Variants in FAM149B1 observed in about 807,000 individuals in gnomAD.
FAM149B1 encodes primary cilium assembly protein FAM149B1.
Under a neutral mutation model 75.3 loss-of-function variants are expected in FAM149B1, and 56 were observed. The observed-to-expected ratio is 0.74, with a 90% CI of 0.60 to 0.93. The LOEUF is 0.93. Ranked by LOEUF, FAM149B1 falls within the 40% of genes least tolerant of loss-of-function variation. FAM149B1 has a pLI of 0.00. For synonymous variants in FAM149B1, 259 were observed against 256.1 expected (o/e 1.01, Z -0.11); for missense variants, 639 against 708.4 (o/e 0.90, Z 1.11).
chr10:73,200,978 C>G (rs1382019988), intron 5 of FAM149B1: 7 of 377,454 alleles, frequency 1.9e-5, no homozygotes, highest in Non-Finnish European at 3.7e-5. Flanking sequence ...GGGTCAAGCC[C>G]TGTTCTGATC....
chr10:73,168,311 G>T lies in FAM149B1; in HGVS notation c.-29G>T. On this transcript the variant is annotated 5_prime_UTR_variant, in exon 1 of 14. It adds an upstream start codon to the 5' untranslated region. Coordinates refer to ENST00000242505, the MANE Select transcript of FAM149B1 (RefSeq NM_173348.2). ...GCGTGCCTGCCCCGGCCGCGGCTGA[G>T]GAGGAGGAGGAGGAGGAGGAGGAGG... The T allele has an allele frequency of 3.2e-6, 2 of 620,330 alleles. No homozygotes were observed. The highest frequency in any genetic ancestry group is 4.4e-6 in the Non-Finnish European group (2 of 457,718). 38.4% of individuals were successfully genotyped at this position (620,330 alleles called of 1,614,324 possible). A position where few individuals can be genotyped will look rare whatever the true frequency, so the allele number is the denominator to read the frequency against.
intron 7 of FAM149B1, among the ~76,000 whole-genome samples, chr10:73,219,815 A>G (rs2043369416): frequency 6.6e-6 from 1 of 152,144 alleles, no homozygotes; most frequent in Admixed American, 6.5e-5. Flanking sequence ...AGAAGAAAAC[A>G]AAGGAGTAAC....
intron 12 of FAM149B1, among the ~76,000 whole-genome samples, chr10:73,236,412 CCTT>C (rs1564717852): frequency 6.9e-6 from 1 of 145,866 alleles, no homozygotes; most frequent in Admixed American, 6.8e-5. Flanking sequence ...CCAATTTCTG[CCTT>C]TTTTTTTTTT....
At chr10:73,170,789 T>TA (rs200201015) in intron 1 of FAM149B1, among the ~76,000 whole-genome samples, 6 of 149,960 alleles carry the variant, frequency 4.0e-5, no homozygotes, top group African/African-American at 7.3e-5. Flanking sequence ...TGTTCCTACT[T>TA]AAAAAAAAAA....
intron 3 of FAM149B1, among the ~76,000 whole-genome samples, chr10:73,178,258 G>A (rs1285225372): frequency 6.6e-6 from 1 of 152,184 alleles, no homozygotes; most frequent in East Asian, 1.9e-4. Context: ...TTGGGAGGCC[G>A]AGGCGGGCGG....
At chr10:73,217,675 C>G (rs1237844682) in intron 7 of FAM149B1, among the ~76,000 whole-genome samples, 1 of 152,182 alleles carries the variant, frequency 6.6e-6, no homozygotes, top group East Asian at 1.9e-4. Context: ...AGACAAAAGC[C>G]TATATAATAT....
chr10:73,215,044 A>T (rs1170408287), intron 7 of FAM149B1, among the ~76,000 whole-genome samples: 2 of 151,418 alleles, frequency 1.3e-5, no homozygotes, highest in African/African-American at 2.4e-5. Flanking sequence ...ACAGAGTCTC[A>T]CTCTGTCACC....
In FAM149B1 at chr10:73,193,611, T is replaced by C. The variant is rs1242856337; in HGVS notation, c.542+18T>C. 4 of 1,548,412 alleles carry C rather than the reference T, an allele frequency of 2.6e-6. No homozygotes were observed. The highest frequency in any genetic ancestry group is 2.0e-5 in the Admixed American group (1 of 50,702). ...TCTACTATGTGAGTATTCCATTATG[T>C]AAGTACTTCAATGTGCCCTAATATG... On this transcript the variant is annotated intron_variant, in intron 5 of 13. Coordinates refer to ENST00000242505, the MANE Select transcript of FAM149B1 (RefSeq NM_173348.2).
intron 5 of FAM149B1, among the ~76,000 whole-genome samples, chr10:73,206,860 A>T (rs2043072574): frequency 6.6e-6 from 1 of 152,116 alleles, no homozygotes; most frequent in Non-Finnish European, 1.5e-5. Context: ...GGTTGCGGTG[A>T]GCTGAGATCA....
intron 7 of FAM149B1, among the ~76,000 whole-genome samples, chr10:73,221,979 A>G (rs1162116516): frequency 6.6e-6 from 1 of 152,152 alleles, no homozygotes; most frequent in Non-Finnish European, 1.5e-5. Context: ...GATTTGAGAG[A>G]GACATATATA....
At chr10:73,220,119 C>T (rs2043376284) in intron 7 of FAM149B1, among the ~76,000 whole-genome samples, 1 of 151,308 alleles carries the variant, frequency 6.6e-6, no homozygotes, top group Non-Finnish European at 1.5e-5. Context: ...GAAGATACAC[C>T]AATGGTCAAT....
chr10:73,203,964 C>T (rs1006791500), intron 5 of FAM149B1, among the ~76,000 whole-genome samples: 1 of 152,032 alleles, frequency 6.6e-6, no homozygotes, highest in East Asian at 1.9e-4. Flanking sequence ...ATAGCTAAAT[C>T]TTACAGGTCA....
rs546091212 is a variant in FAM149B1, at chr10:73,207,125, T to G, written c.543-1494T>G. Among the ~76,000 whole-genome samples the G allele has an allele frequency of 1.2e-4, 19 of 152,212 alleles. 1 individual carries two copies. In the South Asian group the frequency reaches 3.9e-3, roughly 32 times the overall value. On this transcript the variant is annotated intron_variant, in intron 5 of 13. Coordinates refer to ENST00000242505, the MANE Select transcript of FAM149B1 (RefSeq NM_173348.2). The stretch of plus-strand genomic sequence containing the variant: ...TGGAGTCCTCACAGAGAATCTCTAT[T>G]GGGCAGTGCAGAGAAGAAATAGGGG...
At chr10:73,169,335 A>G (rs1326916509) in intron 1 of FAM149B1, among the ~76,000 whole-genome samples, 1 of 152,006 alleles carries the variant, frequency 6.6e-6, no homozygotes, top group Non-Finnish European at 1.5e-5. Context: ...CAAAATAAAT[A>G]AATAAATAAT....
chr10:73,227,551 C>T (rs1378260022), intron 7 of FAM149B1, among the ~76,000 whole-genome samples: 2 of 152,150 alleles, frequency 1.3e-5, no homozygotes, highest in Non-Finnish European at 2.9e-5. Flanking sequence ...GGATGTGATT[C>T]TTAAAAGTGA....
chr10:73,240,940 T>C lies in FAM149B1; in HGVS notation c.1676-6T>C, dbSNP rs11000561. On this transcript the variant is annotated splice_polypyrimidine_tract_variant and splice_region_variant and intron_variant, in intron 13 of 13. Coordinates refer to ENST00000242505, the MANE Select transcript of FAM149B1 (RefSeq NM_173348.2). Reference sequence around the variant, plus strand: ...TCTACTAATGTTACTCTATGTCATCTGACAGGTCCTCAGTTACATGGGTCT... The same window carrying C: ...TCTACTAATGTTACTCTATGTCATCCGACAGGTCCTCAGTTACATGGGTCT... 0.078 allele frequency: 117,542 copies of C among 1,502,810 alleles called. 7,457 individuals carry two copies. Among genetic ancestry groups the C allele is most frequent in the East Asian group, 0.29 (11,565 of 40,194 alleles). 93.1% of individuals were successfully genotyped at this position (1,502,810 alleles called of 1,614,324 possible). A position where few individuals can be genotyped will look rare whatever the true frequency, so the allele number is the denominator to read the frequency against.
At chr10:73,201,342 A>G (rs972818369) in intron 5 of FAM149B1, 15 of 162,870 alleles carry the variant, frequency 9.2e-5, no homozygotes, top group Middle Eastern at 6.5e-3. Flanking sequence ...AATTCTCATA[A>G]CAGATCAGAA....
At chr10:73,224,749 GGT>G (rs753325362) in intron 7 of FAM149B1, among the ~76,000 whole-genome samples, 5 of 152,026 alleles carry the variant, frequency 3.3e-5, no homozygotes, top group Non-Finnish European at 5.9e-5. Flanking sequence ...TGGGATCACA[GGT>G]GTGAGCCACC....
chr10:73,174,763 A>G lies in FAM149B1; in HGVS notation c.124A>G (p.Ser42Gly). 6.4e-7 allele frequency: 1 copy of G among 1,550,832 alleles called. No individual in the cohort carries two copies. The highest frequency in any genetic ancestry group is 8.7e-7 in the Non-Finnish European group (1 of 1,146,188). ...KLEEISPTSDSHEKDTSSQSK... is the reference protein window; with the variant it reads ...KLEEISPTSDGHEKDTSSQSK... The stretch of plus-strand genomic sequence containing the variant: ...GGAGGAAATTTCCCCCACCAGTGAC[A>G]GTCATGAGAAAGACACAAGTTCCCA... The change falls in exon 2 of 14, where the codon AGT becomes GGT. Residue 42 changes from serine (S) to glycine (G), a missense_variant. Coordinates refer to ENST00000242505, the MANE Select transcript of FAM149B1 (RefSeq NM_173348.2).
Sources: allele counts gnomAD v4.1 joint callset (sites outside exome capture counted in the v4.1 genomes callset), GRCh38; gene constraint gnomAD v4.1.1; transcripts MANE v1.5; gene names NCBI Gene and HGNC (gene_info 2026-07-23, HGNC 2026-07-21).